Variants in VSTM2L observed in about 807,000 individuals in gnomAD.
VSTM2L encodes the protein V-set and transmembrane domain containing 2 like, also known as V-set and transmembrane domain-containing protein 2-like protein.
In VSTM2L, 9 loss-of-function variants were observed where a neutral mutation model predicts 19.9. The observed-to-expected ratio is 0.45, with a 90% CI of 0.27 to 0.79. VSTM2L has a LOEUF of 0.79. Among genes scored for constraint, VSTM2L ranks in the 30% least tolerant of loss-of-function variants. The pLI is 0.15. For missense variants in VSTM2L, 286 were observed against 295.5 expected (o/e 0.97, Z 0.24); for synonymous variants, 127 against 133.8 (o/e 0.95, Z 0.35).
At position 37,945,165 on chromosome 20, in the gene VSTM2L, T is replaced by C. The variant is rs535763031; in HGVS notation, c.*912T>C. The stretch of plus-strand genomic sequence containing the variant: ...ATCACGGGCACACCTGCCCCCTGGT[T>C]ATTTGTAAATATTTCTATTGGACCC... On this transcript the variant is annotated 3_prime_UTR_variant, in exon 4 of 4. Coordinates refer to ENST00000373461, the MANE Select transcript of VSTM2L (RefSeq NM_080607.3). 1 of 985,532 alleles carries C rather than the reference T, an allele frequency of 1.0e-6. No homozygotes were observed. Among genetic ancestry groups the C allele is most frequent in the East Asian group, 1.1e-4 (1 of 8,798 alleles). The allele number at this position is 985,532 out of a possible 1,614,324, so 61.0% of individuals were successfully genotyped here.
At chr20:37,912,395 C>G (rs1034745920) in intron 1 of VSTM2L, among the ~76,000 whole-genome samples, 2 of 152,192 alleles carry the variant, frequency 1.3e-5, no homozygotes, top group Non-Finnish European at 2.9e-5. Context: ...GCGTCTGGGT[C>G]CAGCACTGTT....
At chr20:37,911,104 C>G (rs146248304) in intron 1 of VSTM2L, among the ~76,000 whole-genome samples, 2 of 151,330 alleles carry the variant, frequency 1.3e-5, no homozygotes, top group Non-Finnish European at 2.9e-5. Context: ...AACACCATCT[C>G]TACTAAAAAT....
chr20:37,944,253 G>A lies in VSTM2L; in HGVS notation c.615G>A (p.Ter205=). 6.7e-7 allele frequency: 1 copy of A among 1,486,930 alleles called. No homozygotes were observed. The highest frequency in any genetic ancestry group is 9.0e-7 in the Non-Finnish European group (1 of 1,112,100). 92.1% of individuals were successfully genotyped at this position (1,486,930 alleles called of 1,614,324 possible). A position where few individuals can be genotyped will look rare whatever the true frequency, so the allele number is the denominator to read the frequency against. Residue 205 remains the stop codon, a stop_retained_variant, in exon 4 of 4, where the codon TAG becomes TAA. Transcript: ENST00000373461. ...RSVDQEACSL[*] ...TGGACCAGGAGGCCTGCAGCCTCTAGACTGATGCCCCTGCCCCCGCCCATC... is the reference window on the plus strand; with the variant it reads ...TGGACCAGGAGGCCTGCAGCCTCTAAACTGATGCCCCTGCCCCCGCCCATC...
chr20:37,931,589 C>T lies in VSTM2L; in HGVS notation c.122-46C>T, dbSNP rs569079747. 3.9e-5 allele frequency: 61 copies of T among 1,580,890 alleles called. No individual in the cohort carries two copies. The Middle Eastern group carries it at 5.1e-4, about 13-fold the overall frequency. On this transcript the variant is annotated intron_variant, in intron 1 of 3. Coordinates refer to ENST00000373461, the MANE Select transcript of VSTM2L (RefSeq NM_080607.3). The stretch of plus-strand genomic sequence containing the variant: ...CTCCACCTCCTTCACCCACTAGCCC[C>T]GTGGTTTCCTGAGCCCCGCCATTCT...
At chr20:37,925,804 G>T (rs577858271) in intron 1 of VSTM2L, among the ~76,000 whole-genome samples, 9 of 152,136 alleles carry the variant, frequency 5.9e-5, no homozygotes, top group African/African-American at 1.4e-4. Flanking sequence ...CAGCTAACTC[G>T]CTTGGCTCCC....
rs769728560 is a variant in VSTM2L, at chr20:37,944,080, AGCGACG to A, written c.445_450del (p.Asp149_Gly150del). On this transcript the variant is annotated inframe_deletion, in exon 4 of 4. Transcript: ENST00000373461. ...CTACGAGTGCCGCGTCATCGACTTC[AGCGACG>A]GCAAGGCCCGGCACCACAAGGTCAA... 6.2e-7 allele frequency: 1 copy of A among 1,612,872 alleles called. No homozygotes were observed. Among genetic ancestry groups the A allele is most frequent in the Non-Finnish European group, 8.5e-7 (1 of 1,179,314 alleles).
At chr20:37,917,649 C>T (rs1217751301) in intron 1 of VSTM2L, among the ~76,000 whole-genome samples, 3 of 152,256 alleles carry the variant, frequency 2.0e-5, no homozygotes, top group African/African-American at 7.2e-5. Flanking sequence ...TGGCTTGCAT[C>T]CTCACCGTAA....
intron 1 of VSTM2L, among the ~76,000 whole-genome samples, chr20:37,920,429 G>A (rs190989468): frequency 0.011 from 1,630 of 152,360 alleles, 19 homozygotes; most frequent in South Asian, 0.024. Flanking sequence ...AGCTACTGGC[G>A]AAGCAGCCAC....
At chr20:37,928,179 T>C in intron 1 of VSTM2L, among the ~76,000 whole-genome samples, 1 of 151,910 alleles carries the variant, frequency 6.6e-6, no homozygotes, top group Non-Finnish European at 1.5e-5. Context: ...TGTTTGCAAA[T>C]GCCCCTGGTG....
intron 1 of VSTM2L, among the ~76,000 whole-genome samples, chr20:37,919,778 C>T (rs1279385964): frequency 6.6e-6 from 1 of 152,202 alleles, no homozygotes; most frequent in Non-Finnish European, 1.5e-5. Flanking sequence ...ATTTAGGCTT[C>T]AGTGGGGGAA....
At chr20:37,940,352 G>A (rs1362630612) in intron 3 of VSTM2L, among the ~76,000 whole-genome samples, 1 of 152,068 alleles carries the variant, frequency 6.6e-6, no homozygotes, top group Non-Finnish European at 1.5e-5. Context: ...GCTTGCCATG[G>A]GGAAGTCCTG....
chr20:37,915,230 C>T (rs1015634099), intron 1 of VSTM2L, among the ~76,000 whole-genome samples: 1 of 152,186 alleles, frequency 6.6e-6, no homozygotes, highest in East Asian at 1.9e-4. Flanking sequence ...CAGCTCCTCT[C>T]TCCATGGCCC....
intron 1 of VSTM2L, among the ~76,000 whole-genome samples, chr20:37,915,999 A>G (rs1307160271): frequency 6.6e-6 from 1 of 152,028 alleles, no homozygotes; most frequent in Non-Finnish European, 1.5e-5. Context: ...AGTGGCTCTG[A>G]GGCTGCTCCT....
chr20:37,942,723 C>T (rs888015354), intron 3 of VSTM2L, among the ~76,000 whole-genome samples: 2 of 152,186 alleles, frequency 1.3e-5, no homozygotes, highest in African/African-American at 2.4e-5. Context: ...GGTGGTTACA[C>T]AGGTGTACAC....
At chr20:37,936,633 C>CT (rs1383857037) in intron 3 of VSTM2L, among the ~76,000 whole-genome samples, 6 of 152,290 alleles carry the variant, frequency 3.9e-5, no homozygotes, top group African/African-American at 1.2e-4. Context: ...GATTCAGACT[C>CT]TAAGAGTCGG....
chr20:37,938,212 A>T (rs1478711761), intron 3 of VSTM2L, among the ~76,000 whole-genome samples: 3 of 152,060 alleles, frequency 2.0e-5, no homozygotes, highest in Non-Finnish European at 4.4e-5. Flanking sequence ...TGTTTAGAGG[A>T]GGTCAGTGGG....
At chr20:37,920,695 A>G (rs1429790549) in intron 1 of VSTM2L, among the ~76,000 whole-genome samples, 2 of 152,186 alleles carry the variant, frequency 1.3e-5, no homozygotes, top group Admixed American at 1.3e-4. Flanking sequence ...ATGCATGTCC[A>G]TAGTGTCCAC....
chr20:37,932,718 A>G (rs2072917832), intron 2 of VSTM2L, among the ~76,000 whole-genome samples: 1 of 152,134 alleles, frequency 6.6e-6, no homozygotes, highest in African/African-American at 2.4e-5. Context: ...TCACCTCCCA[A>G]ATAAACTACT....
At chr20:37,916,675 G>C (rs2072820435) in intron 1 of VSTM2L, among the ~76,000 whole-genome samples, 1 of 152,224 alleles carries the variant, frequency 6.6e-6, no homozygotes, top group South Asian at 2.1e-4. Flanking sequence ...GACAATGATA[G>C]TGGCCACTTC....
Sources: allele counts gnomAD v4.1 joint callset (sites outside exome capture counted in the v4.1 genomes callset), GRCh38; gene constraint gnomAD v4.1.1; transcripts MANE v1.5; gene names NCBI Gene and HGNC (gene_info 2026-07-23, HGNC 2026-07-21).